Variants in IL1RAPL2 observed in about 807,000 individuals in gnomAD.
IL1RAPL2 encodes the protein interleukin 1 receptor accessory protein like 2, also known as X-linked interleukin-1 receptor accessory protein-like 2.
In IL1RAPL2, 3 loss-of-function variants were observed where a neutral mutation model predicts 44.1. That is an observed-to-expected ratio of 0.07 (90% CI 0.03 to 0.18). IL1RAPL2 has a LOEUF of 0.18. IL1RAPL2 is among the 10% of genes least tolerant of loss of function. The pLI is 1.00. For synonymous variants in IL1RAPL2, 181 were observed against 178.8 expected, an observed-to-expected ratio of 1.01 and a Z score of -0.10; for missense variants, 391 against 496.4, an observed-to-expected ratio of 0.79 and a Z score of 2.02.
rs766960071 is a variant in IL1RAPL2 at position 104,956,247 on chromosome X, A to C, written c.83-239228A>C. Among the ~76,000 whole-genome samples the C allele has an allele frequency of 4.5e-5, 5 of 111,891 alleles. No individual in the cohort carries two copies. In the South Asian group the frequency reaches 1.5e-3, roughly 34 times the overall value. ...AATTGAGGAGGGAGATCTGGCTTCT[A>C]ACAGTCCCAGCAGCACTACTGACTG... is the stretch of plus-strand genomic sequence containing the variant. On this transcript the variant is annotated intron_variant, in intron 2 of 10. Coordinates refer to ENST00000372582, the MANE Select transcript of IL1RAPL2 (RefSeq NM_017416.2).
At chrX:104,882,679 A>C (rs1923103793) in intron 2 of IL1RAPL2, among the ~76,000 whole-genome samples, 1 of 111,890 alleles carries the variant, frequency 8.9e-6, no homozygotes, top group African/African-American at 3.3e-5. Flanking sequence ...GATGGGGCCA[A>C]ATAAGGGAAT....
chrX:105,232,966 C>A (rs2034084297), intron 3 of IL1RAPL2, among the ~76,000 whole-genome samples: 1 of 112,020 alleles, frequency 8.9e-6, no homozygotes, highest in Non-Finnish European at 1.9e-5. Flanking sequence ...AAATTCAACA[C>A]CTGGCACATC....
chrX:104,766,376 TGCCTGCC>T (rs1569310741), intron 2 of IL1RAPL2, among the ~76,000 whole-genome samples: 6 of 105,919 alleles, frequency 5.7e-5, no homozygotes, highest in Admixed American at 2.0e-4. Context: ...CTGGCCTGCC[TGCCTGCC>T]TGCCTGCCTG....
intron 2 of IL1RAPL2, among the ~76,000 whole-genome samples, chrX:105,078,437 G>A (rs760373381): frequency 0.016 from 1,817 of 111,490 alleles, 18 homozygotes; most frequent in Middle Eastern, 0.069. Flanking sequence ...GTGTCAGTCC[G>A]CCCCTACTTG....
At chrX:104,919,246 A>G (rs1241560344) in intron 2 of IL1RAPL2, among the ~76,000 whole-genome samples, 3 of 97,771 alleles carry the variant, frequency 3.1e-5, no homozygotes, top group Non-Finnish European at 6.1e-5. Context: ...TTTTTTTAAG[A>G]TGGTGTTTCG....
At chrX:105,219,080 G>A in intron 3 of IL1RAPL2, 1 of 1,211,092 alleles carries the variant, frequency 8.3e-7, no homozygotes, top group African/African-American at 1.7e-5. Context: ...CGATATACTG[G>A]AGGTCTTTGC....
At chrX:105,026,424 G>A (rs1218735421) in intron 2 of IL1RAPL2, among the ~76,000 whole-genome samples, 1 of 109,976 alleles carries the variant, frequency 9.1e-6, no homozygotes, top group Admixed American at 9.8e-5. Flanking sequence ...CTGCTTTGCA[G>A]ATAATATAAT....
intron 2 of IL1RAPL2, among the ~76,000 whole-genome samples, chrX:104,969,231 A>G (rs2030186913): frequency 9.0e-6 from 1 of 110,734 alleles, no homozygotes; most frequent in South Asian, 3.8e-4. Context: ...TTCCATATAT[A>G]AAAACTTAGT....
intron 6 of IL1RAPL2, among the ~76,000 whole-genome samples, chrX:105,553,621 A>G (rs1266723536): frequency 8.9e-6 from 1 of 112,264 alleles, no homozygotes; most frequent in Non-Finnish European, 1.9e-5. Flanking sequence ...ACCTTACATG[A>G]TATCTTTACT....
intron 5 of IL1RAPL2, among the ~76,000 whole-genome samples, chrX:105,287,099 A>G (rs1316743522): frequency 8.9e-6 from 1 of 111,998 alleles, no homozygotes; most frequent in Non-Finnish European, 1.9e-5. Flanking sequence ...ATAAGTATGA[A>G]GTTTTAATTG....
chrX:104,983,112 G>A (rs1029498784), intron 2 of IL1RAPL2, among the ~76,000 whole-genome samples: 1 of 109,574 alleles, frequency 9.1e-6, no homozygotes. Context: ...ATACATAGTC[G>A]AGAAACTCAC....
chrX:105,182,855 C>T (rs2033546934), intron 2 of IL1RAPL2, among the ~76,000 whole-genome samples: 2 of 111,195 alleles, frequency 1.8e-5, no homozygotes, highest in Admixed American at 9.6e-5. Context: ...CACTTGGACT[C>T]CCTGGCAGCA....
At chrX:104,860,517 A>C (rs1047417726) in intron 2 of IL1RAPL2, among the ~76,000 whole-genome samples, 2 of 111,670 alleles carry the variant, frequency 1.8e-5, no homozygotes, top group Admixed American at 1.9e-4. Flanking sequence ...ACCTTCGTAG[A>C]ACATGCACAG....
intron 1 of IL1RAPL2, among the ~76,000 whole-genome samples, chrX:104,586,103 T>C (rs771391195): frequency 8.9e-6 from 1 of 112,029 alleles, no homozygotes; most frequent in Non-Finnish European, 1.9e-5. Flanking sequence ...CTCACCAACA[T>C]CTGTTATTTT....
intron 1 of IL1RAPL2, among the ~76,000 whole-genome samples, chrX:104,616,431 C>G (rs1210387309): frequency 2.7e-5 from 3 of 112,117 alleles, no homozygotes; most frequent in Non-Finnish European, 5.6e-5. Flanking sequence ...AATAACAGCC[C>G]TTTCCCAAAG....
chrX:105,123,399 G>T (rs997606481), intron 2 of IL1RAPL2, among the ~76,000 whole-genome samples: 1 of 111,180 alleles, frequency 9.0e-6, no homozygotes, highest in African/African-American at 3.3e-5. Context: ...TAAAGATTCA[G>T]TTCTTATTTG....
At chrX:105,200,135 C>T (rs1409967911) in intron 3 of IL1RAPL2, among the ~76,000 whole-genome samples, 1 of 111,795 alleles carries the variant, frequency 8.9e-6, no homozygotes, top group Non-Finnish European at 1.9e-5. Flanking sequence ...TTAGATACCA[C>T]TTTAAGGTAA....
intron 2 of IL1RAPL2, among the ~76,000 whole-genome samples, chrX:104,878,621 T>C (rs1922975019): frequency 8.9e-6 from 1 of 111,781 alleles, no homozygotes; most frequent in African/African-American, 3.3e-5. Flanking sequence ...TAGTTAAACT[T>C]ATAAGTGTGT....
At chrX:104,696,027 C>G (rs954332667) in intron 2 of IL1RAPL2, among the ~76,000 whole-genome samples, 2 of 111,235 alleles carry the variant, frequency 1.8e-5, no homozygotes, top group East Asian at 5.7e-4. Flanking sequence ...AGCATGGTCT[C>G]GAACTCCTGA....
Sources: allele counts gnomAD v4.1 joint callset (sites outside exome capture counted in the v4.1 genomes callset), GRCh38; gene constraint gnomAD v4.1.1; transcripts MANE v1.5; gene names NCBI Gene and HGNC (gene_info 2026-07-23, HGNC 2026-07-21).